Variants in ADGRV1 observed in about 807,000 individuals in gnomAD.
The protein encoded by ADGRV1 is adhesion G protein-coupled receptor V1.
ADGRV1 carries 359 observed loss-of-function variants against 596.2 expected under a neutral mutation model. The ratio of observed to expected loss-of-function variants is 0.60; its 90% confidence interval spans 0.55 to 0.66. The LOEUF (loss-of-function observed/expected upper bound fraction) is 0.66, where lower values mean the gene tolerates loss of function less well. ADGRV1 is among the 30% of genes least tolerant of loss of function. The pLI, the probability that ADGRV1 is intolerant of heterozygous loss-of-function variation, is 0.00. For synonymous variants in ADGRV1, 2,681 were observed against 2,679.2 expected, an observed-to-expected ratio of 1.00 and a Z score of -0.02; for missense variants, 7,274 against 7,575.6, an observed-to-expected ratio of 0.96 and a Z score of 1.48.
At chr5:90,716,773 A>G in intron 43 of ADGRV1, 44 bp downstream of exon 43, 1 of 1,466,482 alleles carries the variant, frequency 6.8e-7, no homozygotes, top group Non-Finnish European at 9.3e-7. Context: ...TATCTTTAAT[A>G]TTTACAAAAT....
intron 28 of ADGRV1, among the ~76,000 whole-genome samples, 162 bp from the exon 29 acceptor site, chr5:90,685,615 TAAA>T (rs1194959308): frequency 1.4e-5 from 2 of 147,426 alleles, no homozygotes; most frequent in African/African-American, 4.9e-5. Context: ...AATAAATAAA[TAAA>T]TAAATAAATA....
At chr5:90,579,865 CTTCT>C (rs1320673877) in intron 1 of ADGRV1, among the ~76,000 whole-genome samples, 3 of 152,208 alleles carry the variant, frequency 2.0e-5, no homozygotes, top group South Asian at 2.1e-4. Flanking sequence ...ATGTAATGGC[CTTCT>C]TTGTCTCTTT....
rs555861111 is a variant in ADGRV1 at position 90,673,195 on chromosome 5, T to G, written c.4929+473T>G. On this transcript the variant is annotated intron_variant, in intron 22 of 89. Transcript: ENST00000405460. Reference sequence around the variant, plus strand: ...TGTGCTGGACTCCTAAGGCCCATTATGAATCTATTTTCTAAAATACTGTTC... The same window carrying G: ...TGTGCTGGACTCCTAAGGCCCATTAGGAATCTATTTTCTAAAATACTGTTC... Among the ~76,000 whole-genome samples, 3 of 152,328 alleles carry G rather than the reference T, an allele frequency of 2.0e-5. No individual in the cohort carries two copies. The East Asian group carries it at 5.8e-4, about 29-fold the overall frequency.
chr5:90,971,754 A>C (rs78864063), intron 84 of ADGRV1, among the ~76,000 whole-genome samples: 5 of 152,206 alleles, frequency 3.3e-5, no homozygotes, highest in African/African-American at 1.2e-4. Context: ...AACATGACAA[A>C]TTGTAAAGAC....
At chr5:90,902,058 G>A (rs1771898311) in intron 83 of ADGRV1, among the ~76,000 whole-genome samples, 1 of 152,062 alleles carries the variant, frequency 6.6e-6, no homozygotes, top group Non-Finnish European at 1.5e-5. Flanking sequence ...AGGTTGCCCT[G>A]TATTTTGAAG....
chr5:90,566,551 G>GTTAAAT, intron 1 of ADGRV1, among the ~76,000 whole-genome samples: 1 of 151,804 alleles, frequency 6.6e-6, no homozygotes, highest in East Asian at 1.9e-4. Context: ...TACATATTTT[G>GTTAAAT]TTAAATTTCT....
intron 77 of ADGRV1, among the ~76,000 whole-genome samples, 183 bp from the exon 78 acceptor site, chr5:90,840,395 A>C (rs542182834): frequency 4.6e-5 from 7 of 152,322 alleles, no homozygotes; most frequent in African/African-American, 1.7e-4. Context: ...TTATGTATTT[A>C]TCTCTCTAAT....
Position 90,683,935 on chromosome 5 carries a change from A to G in ADGRV1, c.6014A>G (p.Lys2005Arg). Residue 2005 changes from lysine (K) to arginine (R), a missense_variant, in exon 28 of 90, where the codon AAA becomes AGA. Physicochemically the swap from Lys to Arg is conservative, Grantham distance 26 (BLOSUM62 2). Coordinates refer to ENST00000405460, the MANE Select transcript of ADGRV1 (RefSeq NM_032119.4). ...ATCACACTATCAATAATAAGGTTGA[A>G]AGGCCTCATGGGAAAAGTCCTTGTC... The part of the protein sequence containing the change: ...QNITLSIIRL[K>R]GLMGKVLVSY... The G allele has an allele frequency of 1.9e-6, 3 of 1,613,852 alleles. No homozygotes were observed. Among genetic ancestry groups the G allele is most frequent in the Middle Eastern group, 1.6e-4 (1 of 6,062 alleles).
chr5:90,906,696 G>A (rs1772356078), intron 83 of ADGRV1, among the ~76,000 whole-genome samples: 1 of 151,972 alleles, frequency 6.6e-6, no homozygotes. Flanking sequence ...TTGTTTCACT[G>A]ATGTTTTGTA....
At chr5:90,794,295 G>A (rs111844265) in intron 70 of ADGRV1, among the ~76,000 whole-genome samples, 4 of 152,300 alleles carry the variant, frequency 2.6e-5, no homozygotes, top group East Asian at 1.9e-4. Context: ...CAGAACCTTC[G>A]AGTGTCAACT....
At chr5:90,821,110 C>T (rs969445064) in intron 75 of ADGRV1, among the ~76,000 whole-genome samples, 1 of 152,070 alleles carries the variant, frequency 6.6e-6, no homozygotes, top group African/African-American at 2.4e-5. Context: ...AGGCTTTGCT[C>T]ATTTCTTTCT....
At chr5:90,767,165 T>C (rs1339415622) in intron 59 of ADGRV1, among the ~76,000 whole-genome samples, 3 of 152,184 alleles carry the variant, frequency 2.0e-5, no homozygotes, top group Non-Finnish European at 4.4e-5. Flanking sequence ...AGCCAATGTG[T>C]CAGATAATAC....
rs373701250 is a variant in ADGRV1 at position 91,124,093 on chromosome 5, TG to T, written c.18432+21754del. ...AGAAGGAAGCCAGGGAGAGTCTCAG[TG>T]TCCGTCTTCAGTTGCTTTTACTTCC... is the stretch of plus-strand genomic sequence containing the variant. On this transcript the variant is annotated intron_variant, in intron 87 of 89. Coordinates refer to ENST00000405460, the MANE Select transcript of ADGRV1 (RefSeq NM_032119.4). Among the ~76,000 whole-genome samples, 87 of 152,286 alleles carry T rather than the reference TG, an allele frequency of 5.7e-4. 1 individual carries two copies. The South Asian group carries it at 8.9e-3, about 16-fold the overall frequency.
intron 84 of ADGRV1, among the ~76,000 whole-genome samples, chr5:90,975,579 C>G (rs1779490564): frequency 6.6e-6 from 1 of 152,136 alleles, no homozygotes; most frequent in Admixed American, 6.5e-5. Context: ...GAGGAACCAT[C>G]ATTCTCAGCA....
chr5:90,621,072 C>A (rs569726447), intron 4 of ADGRV1, among the ~76,000 whole-genome samples: 1 of 152,238 alleles, frequency 6.6e-6, no homozygotes, highest in South Asian at 2.1e-4. Flanking sequence ...CAAAATAGGG[C>A]CCTTCTTGAG....
intron 50 of ADGRV1, among the ~76,000 whole-genome samples, chr5:90,739,148 TTTTG>T (rs981624250): frequency 3.3e-5 from 5 of 152,166 alleles, no homozygotes; most frequent in Admixed American, 2.6e-4. Context: ...CTGTTTGTTT[TTTTG>T]TTTGTTTTTA....
At chr5:91,147,863 A>G (rs1795687583) in intron 87 of ADGRV1, among the ~76,000 whole-genome samples, 1 of 152,192 alleles carries the variant, frequency 6.6e-6, no homozygotes, top group Admixed American at 6.5e-5. Context: ...AAAAGTGTGG[A>G]ACTTCCTAGA....
chr5:90,753,574 A>G lies in ADGRV1; in HGVS notation c.11122A>G (p.Ile3708Val). The G allele has an allele frequency of 6.3e-7, 1 of 1,589,716 alleles. No homozygotes were observed. Among genetic ancestry groups the G allele is most frequent in the Non-Finnish European group, 8.6e-7 (1 of 1,160,366 alleles). ...ACATCTTCTTTCTTTAAAATTCTAG[A>G]TTTTATTTACTGAAGGCCAGGTACT... The part of the protein sequence containing the change: ...ISDIFPTSGV[I>V]LFTEGQVLST... The change falls in exon 54 of 90, where the codon ATT becomes GTT. Residue 3708 changes from isoleucine to valine, a missense_variant and splice_region_variant. Ile to Val is a conservative substitution (Grantham distance 29). This residue lies in a region of ADGRV1 where 3,643 missense variants were observed against 3,809.2 expected (regional missense o/e 0.96). Transcript: ENST00000405460.
intron 1 of ADGRV1, among the ~76,000 whole-genome samples, chr5:90,585,570 C>T (rs998260176): frequency 1.3e-5 from 2 of 152,164 alleles, no homozygotes; most frequent in South Asian, 2.1e-4. Context: ...GTGGTAAAGA[C>T]GTTAGCCTGA....
Sources: allele counts gnomAD v4.1 joint callset (sites outside exome capture counted in the v4.1 genomes callset), GRCh38; gene constraint gnomAD v4.1.1; regional missense constraint gnomAD v4.1.1; transcripts MANE v1.5; gene names NCBI Gene and HGNC (gene_info 2026-07-23, HGNC 2026-07-21).